Variants in CAST observed in about 807,000 individuals in gnomAD.
CAST encodes MIR583 host.
CAST carries 76 observed loss-of-function variants against 119.6 expected under a neutral mutation model. The observed-to-expected ratio is 0.64, with a 90% CI of 0.53 to 0.77. The LOEUF (loss-of-function observed/expected upper bound fraction) is 0.77. CAST is among the 30% of genes least tolerant of loss of function. CAST has a pLI of 0.00. For missense variants in CAST, 953 were observed against 946.5 expected, an observed-to-expected ratio of 1.01 and a Z score of -0.09; for synonymous variants, 319 against 331.6, an observed-to-expected ratio of 0.96 and a Z score of 0.41.
the CAST span, among the ~76,000 whole-genome samples, chr5:96,432,438 G>T: frequency 6.6e-6 from 1 of 152,188 alleles, no homozygotes; most frequent in Non-Finnish European, 1.5e-5. Flanking sequence ...ATATTGAAAA[G>T]AAGGCAACAG....
the CAST span, among the ~76,000 whole-genome samples, chr5:96,094,724 C>T: frequency 3.3e-5 from 5 of 152,178 alleles, no homozygotes; most frequent in South Asian, 2.1e-4. Flanking sequence ...CCTCACTCTA[C>T]TGTGAAGAGC....
chr5:96,098,782 C>T, the CAST span, among the ~76,000 whole-genome samples: 1 of 152,170 alleles, frequency 6.6e-6, no homozygotes, highest in Non-Finnish European at 1.5e-5. Context: ...GTTCCTTTTG[C>T]TTAGGATTGC....
intron 1 of CAST, among the ~76,000 whole-genome samples, chr5:96,608,474 T>A (rs1747299903): frequency 6.6e-6 from 1 of 152,286 alleles, no homozygotes; most frequent in African/African-American, 2.4e-5. Flanking sequence ...ATTATGACTT[T>A]GTGAAAGTTG....
chr5:96,297,479 T>C, the CAST span, among the ~76,000 whole-genome samples: 1 of 152,186 alleles, frequency 6.6e-6, no homozygotes, highest in African/African-American at 2.4e-5. Flanking sequence ...ACTGGGGTGA[T>C]GTCATCCCTT....
At chr5:96,226,908 AC>A in the CAST span, among the ~76,000 whole-genome samples, 2 of 152,182 alleles carry the variant, frequency 1.3e-5, no homozygotes, top group African/African-American at 2.4e-5. Context: ...TAAAACAAGC[AC>A]TTTTGCATGG....
chr5:96,155,567 C>G, the CAST span, among the ~76,000 whole-genome samples: 6 of 152,138 alleles, frequency 3.9e-5, no homozygotes, highest in Non-Finnish European at 7.4e-5. Flanking sequence ...GGATATGTTC[C>G]GATGGAAATC....
intron 13 of CAST, 54 bp downstream of exon 13, chr5:96,740,837 TG>T: frequency 1.7e-6 from 2 of 1,201,942 alleles, no homozygotes; most frequent in Non-Finnish European, 2.5e-6. Flanking sequence ...TATTTTTGGC[TG>T]GGGGAACAGG....
chr5:96,443,299 G>T, the CAST span, among the ~76,000 whole-genome samples: 1 of 152,102 alleles, frequency 6.6e-6, no homozygotes, highest in Non-Finnish European at 1.5e-5. Context: ...TTCCTATGAA[G>T]ATGCATAACT....
chr5:96,603,759 C>CTT (rs70981832), intron 1 of CAST, among the ~76,000 whole-genome samples: 1,476 of 79,506 alleles, frequency 0.019, 2 homozygotes, highest in African/African-American at 0.022. Flanking sequence ...GTGCTGTACT[C>CTT]TTTTTTTTTT....
chr5:96,457,165 T>G, the CAST span, among the ~76,000 whole-genome samples: 1 of 152,268 alleles, frequency 6.6e-6, no homozygotes, highest in South Asian at 2.1e-4. Flanking sequence ...TCTCCATCAT[T>G]CCTCACACCA....
At chr5:96,317,513 T>C in the CAST span, among the ~76,000 whole-genome samples, 1 of 146,730 alleles carries the variant, frequency 6.8e-6, no homozygotes, top group African/African-American at 2.5e-5. Context: ...AATGGTGTCA[T>C]CCTATTTTAG....
At chr5:95,996,829 T>C in the CAST span, among the ~76,000 whole-genome samples, 1 of 152,134 alleles carries the variant, frequency 6.6e-6, no homozygotes, top group Non-Finnish European at 1.5e-5. Context: ...GATCACACTT[T>C]TATAAACACA....
chr5:96,445,411 T>C, the CAST span, among the ~76,000 whole-genome samples: 1 of 152,166 alleles, frequency 6.6e-6, no homozygotes, highest in Non-Finnish European at 1.5e-5. Flanking sequence ...AGGCTTTATG[T>C]AGCAACTTTA....
At chr5:96,647,214 C>T (rs981570161) in intron 1 of CAST, among the ~76,000 whole-genome samples, 4 of 152,134 alleles carry the variant, frequency 2.6e-5, no homozygotes, top group Non-Finnish European at 5.9e-5. Context: ...CAGTCTCAAC[C>T]GGAGTCCTTA....
At chr5:96,153,469 T>G in the CAST span, among the ~76,000 whole-genome samples, 4 of 152,124 alleles carry the variant, frequency 2.6e-5, no homozygotes, top group Non-Finnish European at 4.4e-5. Context: ...GGATGGAGCT[T>G]GACGAGAGGA....
chr5:96,612,016 C>A (rs1747372107), intron 1 of CAST, among the ~76,000 whole-genome samples: 1 of 152,146 alleles, frequency 6.6e-6, no homozygotes, highest in Non-Finnish European at 1.5e-5. Context: ...TGTTCAGCCA[C>A]TGTGGAGAGC....
At chr5:96,319,062 T>G in the CAST span, 2 of 152,204 alleles carry the variant, frequency 1.3e-5, no homozygotes, top group African/African-American at 4.8e-5. Flanking sequence ...CCAGCATCTG[T>G]TTGACTTCTT....
At chr5:96,411,011 T>C in the CAST span, 1 of 1,499,996 alleles carries the variant, frequency 6.7e-7, no homozygotes, top group South Asian at 1.1e-5. Flanking sequence ...AGAATGCATA[T>C]TATCTGTTAT....
At chr5:96,363,676 C>T in the CAST span, among the ~76,000 whole-genome samples, 1 of 152,124 alleles carries the variant, frequency 6.6e-6, no homozygotes, top group Admixed American at 6.5e-5. Flanking sequence ...GATTTTTGCA[C>T]ATTGATTTTG....
Sources: allele counts gnomAD v4.1 joint callset (sites outside exome capture counted in the v4.1 genomes callset), GRCh38; gene constraint gnomAD v4.1.1; transcripts MANE v1.5; gene names NCBI Gene and HGNC (gene_info 2026-07-23, HGNC 2026-07-21).